Variants in NAV2 observed in about 807,000 individuals in gnomAD.
The protein encoded by NAV2 is neuron navigator 2.
In NAV2, 54 loss-of-function variants were observed where a neutral mutation model predicts 223.2. That is an observed-to-expected ratio of 0.24 (90% CI 0.19 to 0.30). The LOEUF (loss-of-function observed/expected upper bound fraction) is 0.30, where lower values mean the gene tolerates loss of function less well. Among genes scored for constraint, NAV2 ranks in the 10% least tolerant of loss-of-function variants. The pLI, the probability that NAV2 is intolerant of heterozygous loss-of-function variation, is 1.00. For synonymous variants in NAV2, 1,279 were observed against 1,239.3 expected (o/e 1.03, Z -0.67); for missense variants, 2,806 against 3,147.5 (o/e 0.89, Z 2.60).
rs534217328 is a variant in NAV2 at position 19,582,059 on chromosome 11, A to G, written c.75+231032A>G. ...CTGACTTTTTAATGATTGCCATTCT[A>G]ACTGGTATGAGATGGTATCTCATTG... On this transcript the variant is annotated intron_variant, in intron 1 of 37. Transcript: ENST00000360655. Among the ~76,000 whole-genome samples, 6 of 152,302 alleles carry G rather than the reference A, an allele frequency of 3.9e-5. No individual in the cohort carries two copies. In the East Asian group the frequency reaches 1.2e-3, roughly 29 times the overall value.
At chr11:19,823,252 G>C (rs79459426) in intron 1 of NAV2, among the ~76,000 whole-genome samples, 1 of 152,120 alleles carries the variant, frequency 6.6e-6, no homozygotes, top group Non-Finnish European at 1.5e-5. Context: ...TTGTCGCTCA[G>C]GCTGGAGTGC....
rs931289703 is a variant in NAV2 at position 19,930,516 on chromosome 11, T to C, written c.932-2660T>C. Among the ~76,000 whole-genome samples, 3 of 152,326 alleles carry C rather than the reference T, an allele frequency of 2.0e-5. No homozygotes were observed. The South Asian group carries it at 6.2e-4, about 32-fold the overall frequency. On this transcript the variant is annotated intron_variant, in intron 6 of 37. Transcript: ENST00000349880. Reference sequence around the variant, plus strand: ...ACCTGCCCCTAAGACCCCCGTCCTTTTCTTTAGCACTATTTTTTAACAAAT... The same window carrying C: ...ACCTGCCCCTAAGACCCCCGTCCTTCTCTTTAGCACTATTTTTTAACAAAT...
At chr11:19,985,215 G>C (rs1215432981) in intron 11 of NAV2, among the ~76,000 whole-genome samples, 1 of 152,208 alleles carries the variant, frequency 6.6e-6, no homozygotes, top group African/African-American at 2.4e-5. Context: ...GTAATTGTGT[G>C]GCTTTAGAGA....
At chr11:20,033,554 C>T (rs1288553771) in intron 11 of NAV2, among the ~76,000 whole-genome samples, 3 of 152,196 alleles carry the variant, frequency 2.0e-5, no homozygotes, top group African/African-American at 7.2e-5. Context: ...TCCAGAGCTG[C>T]TGGACCCTTG....
Position 19,533,074 on chromosome 11 carries a change from G to T in NAV2, c.75+182047G>T, listed in dbSNP as rs538157953. 3.9e-5 allele frequency among the ~76,000 whole-genome samples: 6 copies of T among 152,256 alleles called. No individual in the cohort carries two copies. The South Asian group carries it at 1.2e-3, about 32-fold the overall frequency. ...GTTTCCTGAGCTAGAGGTGGAAGAA[G>T]GGGAAAAGTGGGTTGGAGTGAGTTT... On this transcript the variant is annotated intron_variant, in intron 1 of 37. Coordinates refer to the NAV2 transcript ENST00000360655.
chr11:19,372,682 TCCTA>T (rs1848512360), intron 1 of NAV2, among the ~76,000 whole-genome samples: 1 of 152,084 alleles, frequency 6.6e-6, no homozygotes, highest in African/African-American at 2.4e-5. Context: ...CGCTCCAAAA[TCCTA>T]CCTTATTTCT....
intron 6 of NAV2, among the ~76,000 whole-genome samples, chr11:19,926,127 G>A (rs2153232975): frequency 6.6e-6 from 1 of 152,240 alleles, no homozygotes; most frequent in East Asian, 1.9e-4. Flanking sequence ...AAAGTCACTG[G>A]AATTTTGATA....
intron 1 of NAV2, among the ~76,000 whole-genome samples, chr11:19,389,989 A>C (rs1233018900): frequency 6.6e-6 from 1 of 152,128 alleles, no homozygotes; most frequent in East Asian, 1.9e-4. Flanking sequence ...TAGCCATGTG[A>C]TATTTTTGTT....
At chr11:19,962,033 G>C (rs1016177187) in intron 10 of NAV2, among the ~76,000 whole-genome samples, 5 of 151,712 alleles carry the variant, frequency 3.3e-5, no homozygotes, top group African/African-American at 7.2e-5. Flanking sequence ...AAAATCTTCA[G>C]ATGCCCTCGT....
intron 5 of NAV2, among the ~76,000 whole-genome samples, chr11:19,885,235 TACA>T (rs1591063255): frequency 6.6e-6 from 1 of 152,200 alleles, no homozygotes; most frequent in Non-Finnish European, 1.5e-5. Flanking sequence ...TTTAGGAAGT[TACA>T]TCATTGTGCC....
chr11:19,674,208 C>T (rs748811787), intron 1 of NAV2, among the ~76,000 whole-genome samples: 11 of 152,194 alleles, frequency 7.2e-5, no homozygotes, highest in South Asian at 2.1e-4. Context: ...TTGAAGCCGC[C>T]GTCTCCCTGA....
intron 36 of NAV2, among the ~76,000 whole-genome samples, chr11:20,108,339 C>T (rs1416131442): frequency 6.6e-6 from 1 of 152,222 alleles, no homozygotes; most frequent in African/African-American, 2.4e-5. Context: ...AGCCCTGAGG[C>T]TGGTGGCATT....
intron 1 of NAV2, among the ~76,000 whole-genome samples, chr11:19,610,593 C>T (rs1487214): frequency 0.76 from 116,223 of 152,168 alleles, 50,127 homozygotes; most frequent in Non-Finnish European, 0.96. Context: ...ATATCCAGTT[C>T]TCAAATGACC....
chr11:19,354,519 T>C (rs1198365968), intron 1 of NAV2, among the ~76,000 whole-genome samples: 1 of 152,180 alleles, frequency 6.6e-6, no homozygotes, highest in African/African-American at 2.4e-5. Context: ...TTAAAGAAAA[T>C]TAATAGGGCA....
chr11:19,777,374 G>A, intron 1 of NAV2: 1 of 432,598 alleles, frequency 2.3e-6, no homozygotes, highest in Non-Finnish European at 4.6e-6. Context: ...TGGACGGCCA[G>A]ACCTGCCGGG....
intron 6 of NAV2, among the ~76,000 whole-genome samples, chr11:19,913,960 T>A (rs2043545685): frequency 6.6e-6 from 1 of 152,152 alleles, no homozygotes; most frequent in South Asian, 2.1e-4. Context: ...GCCTTTAACC[T>A]AGACATCAGC....
intron 26 of NAV2, among the ~76,000 whole-genome samples, chr11:20,086,146 G>T (rs571739532): frequency 6.6e-6 from 1 of 152,208 alleles, no homozygotes; most frequent in East Asian, 1.9e-4. Context: ...AAGTGAATTC[G>T]CATCCAATTT....
At chr11:19,434,264 C>T (rs1314963250) in intron 1 of NAV2, among the ~76,000 whole-genome samples, 2 of 152,202 alleles carry the variant, frequency 1.3e-5, no homozygotes, top group Non-Finnish European at 2.9e-5. Flanking sequence ...ACAGTAGATG[C>T]TCAGTGGCTG....
intron 1 of NAV2, chr11:19,505,374 T>A (rs2043091760): frequency 6.6e-6 from 1 of 152,224 alleles, no homozygotes; most frequent in African/African-American, 2.4e-5. Flanking sequence ...CTCCCAGGAT[T>A]TCTTACTTAG....
Sources: allele counts gnomAD v4.1 joint callset (sites outside exome capture counted in the v4.1 genomes callset), GRCh38; gene constraint gnomAD v4.1.1; transcripts MANE v1.5; gene names NCBI Gene and HGNC (gene_info 2026-07-23, HGNC 2026-07-21).